HMGB1: variants seen among roughly 807,000 people sequenced by gnomAD.
The protein encoded by HMGB1 is high mobility group protein B1.
For synonymous variants in HMGB1, 81 were observed against 84.0 expected (o/e 0.96, Z 0.19); for missense variants, 79 against 253.5 (o/e 0.31, Z 4.67).
chr13:30,511,710 C>T (rs1887996049), intron 1 of HMGB1, among the ~76,000 whole-genome samples: 2 of 152,168 alleles, frequency 1.3e-5, no homozygotes, highest in Admixed American at 6.5e-5. Context: ...TCCCATCTAT[C>T]TCCCTTGCCC....
chr13:30,478,122 T>C (rs1412821524), intron 1 of HMGB1, among the ~76,000 whole-genome samples: 2 of 152,236 alleles, frequency 1.3e-5, no homozygotes, highest in Admixed American at 6.5e-5. Flanking sequence ...GAACTCTGCA[T>C]TGAACACACT....
chr13:30,588,832 G>T (rs191228712), intron 1 of HMGB1, among the ~76,000 whole-genome samples: 2 of 151,906 alleles, frequency 1.3e-5, no homozygotes, highest in Non-Finnish European at 2.9e-5. Context: ...CAGGAGACTC[G>T]CTTGAATCTG....
intron 1 of HMGB1, among the ~76,000 whole-genome samples, chr13:30,505,401 AT>A (rs1426896488): frequency 1.3e-5 from 2 of 150,724 alleles, no homozygotes; most frequent in Non-Finnish European, 2.9e-5. Flanking sequence ...GATGGTCTCC[AT>A]CTCCTGACCT....
At chr13:30,610,061 G>A (rs1269273412) in intron 1 of HMGB1, among the ~76,000 whole-genome samples, 2 of 152,200 alleles carry the variant, frequency 1.3e-5, no homozygotes, top group Non-Finnish European at 2.9e-5. Context: ...TTAATGATTA[G>A]TAAATATACT....
intron 1 of HMGB1, among the ~76,000 whole-genome samples, chr13:30,516,355 T>A (rs1888101867): frequency 6.6e-6 from 1 of 152,326 alleles, no homozygotes; most frequent in Non-Finnish European, 1.5e-5. Flanking sequence ...TTCACTAATT[T>A]TTTTTTACTT....
intron 1 of HMGB1, chr13:30,554,163 A>G (rs1347416091): frequency 7.4e-7 from 1 of 1,355,402 alleles, no homozygotes; most frequent in Non-Finnish European, 1.1e-6. Flanking sequence ...GAAAATATCA[A>G]TAGTGGTGAA....
chr13:30,498,662 T>G (rs201058686), intron 1 of HMGB1, among the ~76,000 whole-genome samples: 1 of 136,300 alleles, frequency 7.3e-6, no homozygotes, highest in East Asian at 2.2e-4. Flanking sequence ...TTATTATTAT[T>G]ATTAAGACGA....
intron 1 of HMGB1, among the ~76,000 whole-genome samples, chr13:30,538,497 T>TCTTTCTTTCCTTTCTTTCTTTC (rs1555238747): frequency 8.5e-5 from 4 of 46,878 alleles, no homozygotes; most frequent in African/African-American, 3.2e-4. Context: ...TTTCTTTCTT[T>TCTTTCTTTCCTTTCTTTCTTTC]CTTTCTTTCT....
rs921377137 is a variant in HMGB1, at chr13:30,495,229, G to A, written c.-14-31535C>T. Among the ~76,000 whole-genome samples, 6 of 152,148 alleles carry A rather than the reference G, an allele frequency of 3.9e-5. 1 individual carries two copies. Among genetic ancestry groups the A allele is most frequent in the East Asian group, 3.9e-4 (2 of 5,172 alleles). Reference sequence around the variant, plus strand: ...CACCTTCTAGCTTGCCACCAGTATCGTTTTTCTAAAGCAATGATCCTGTCT... The same window carrying A: ...CACCTTCTAGCTTGCCACCAGTATCATTTTTCTAAAGCAATGATCCTGTCT... On this transcript the variant is annotated intron_variant, in intron 1 of 4. Transcript: ENST00000405805.
At chr13:30,542,727 C>T in intron 1 of HMGB1, 1 of 223,590 alleles carries the variant, frequency 4.5e-6, no homozygotes, top group Non-Finnish European at 9.3e-6. Flanking sequence ...TCATCCGCCT[C>T]ATCAGAGGAC....
At chr13:30,483,679 T>C (rs1028603905) in intron 1 of HMGB1, among the ~76,000 whole-genome samples, 2 of 147,894 alleles carry the variant, frequency 1.4e-5, no homozygotes, top group Non-Finnish European at 3.0e-5. Context: ...AGTGACATCA[T>C]CTGGGCTCAC....
At position 30,459,953 on chromosome 13, in the gene HMGB1, G is replaced by A. The variant is rs536234963; in HGVS notation, c.*1404C>T. ...ACAAATGCAAATGGAAAGAATCCAA[G>A]TCTAAATTATATAACAAAACAGCAC... On this transcript the variant is annotated 3_prime_UTR_variant, in exon 5 of 5. Transcript: ENST00000341423. 1 of 152,650 alleles carries A rather than the reference G, an allele frequency of 6.6e-6. No homozygotes were observed. The highest frequency in any genetic ancestry group is 6.5e-5 in the Admixed American group (1 of 15,296). 9.5% of individuals were successfully genotyped at this position (152,650 alleles called of 1,614,324 possible). A position where few individuals can be genotyped will look rare whatever the true frequency, so the allele number is the denominator to read the frequency against.
chr13:30,589,071 T>C (rs1289681901), intron 1 of HMGB1, among the ~76,000 whole-genome samples: 1 of 150,744 alleles, frequency 6.6e-6, no homozygotes, highest in Non-Finnish European at 1.5e-5. Flanking sequence ...AATGGCACGA[T>C]CTTGGCTCAC....
In HMGB1 at chr13:30,463,704, AAAAT is replaced by A. The variant is rs760085464; in HGVS notation, c.-14-14_-14-11del. On this transcript the variant is annotated splice_polypyrimidine_tract_variant and intron_variant, in intron 1 of 4. Transcript: ENST00000341423. ...ATGTTTAGTTATTTTTCTAAAAAAT[AAAAT>A]AAATATTTGATGTTAGCAATAAAAT... 1.1e-5 allele frequency: 17 copies of A among 1,508,630 alleles called. No homozygotes were observed. Among genetic ancestry groups the A allele is most frequent in the South Asian group, 1.1e-4 (9 of 82,810 alleles). 93.5% of individuals were successfully genotyped at this position (1,508,630 alleles called of 1,614,324 possible). A position where few individuals can be genotyped will look rare whatever the true frequency, so the allele number is the denominator to read the frequency against.
chr13:30,464,270 CCGCGAGGCAG>C, intron 1 of HMGB1: 1 of 985,576 alleles, frequency 1.0e-6, no homozygotes, highest in Non-Finnish European at 1.2e-6. Flanking sequence ...GGCGGTGCCA[CCGCGAGGCAG>C]CCTCGTTTCC....
At chr13:30,530,334 A>C (rs1888466937) in intron 1 of HMGB1, among the ~76,000 whole-genome samples, 1 of 152,230 alleles carries the variant, frequency 6.6e-6, no homozygotes, top group African/African-American at 2.4e-5. Context: ...CAAATATTCC[A>C]AAATCCTAAA....
intron 1 of HMGB1, among the ~76,000 whole-genome samples, chr13:30,485,284 G>T (rs996403197): frequency 6.6e-6 from 1 of 152,108 alleles, no homozygotes; most frequent in Admixed American, 6.6e-5. Flanking sequence ...ACCCATATTG[G>T]CCTCCCAAAG....
At chr13:30,530,752 G>A (rs1593293481) in intron 1 of HMGB1, among the ~76,000 whole-genome samples, 2 of 152,262 alleles carry the variant, frequency 1.3e-5, no homozygotes, top group Non-Finnish European at 2.9e-5. Flanking sequence ...GGTGCAACAA[G>A]AACACAAATG....
chr13:30,470,602 G>T (rs1886897296), upstream of HMGB1, among the ~76,000 whole-genome samples: 1 of 152,152 alleles, frequency 6.6e-6, no homozygotes, highest in Non-Finnish European at 1.5e-5. Flanking sequence ...ACAGAAAACT[G>T]CAAGATTGTC....
Sources: allele counts gnomAD v4.1 joint callset (sites outside exome capture counted in the v4.1 genomes callset), GRCh38; gene constraint gnomAD v4.1.1; transcripts MANE v1.5; gene names NCBI Gene and HGNC (gene_info 2026-07-23, HGNC 2026-07-21).